The following GPC5 variants were observed in gnomAD, a reference collection of about 807,000 sequenced individuals.
GPC5 encodes glypican-5.
Under a neutral mutation model 53.9 loss-of-function variants are expected in GPC5, and 47 were observed. That is an observed-to-expected ratio of 0.87 (90% CI 0.69 to 1.11). The LOEUF is 1.11. GPC5 is among the 50% of genes most tolerant of loss of function. The pLI, the probability that GPC5 is intolerant of heterozygous loss-of-function variation, is 0.00. For missense variants in GPC5, 748 were observed against 713.1 expected (o/e 1.05, Z -0.56); for synonymous variants, 286 against 263.3 (o/e 1.09, Z -0.84).
At chr13:92,477,181 A>T (rs1879183122) in intron 7 of GPC5, among the ~76,000 whole-genome samples, 1 of 152,194 alleles carries the variant, frequency 6.6e-6, no homozygotes, top group South Asian at 2.1e-4. Context: ...CAAAAAAGTC[A>T]TTTCAGGAAA....
At chr13:92,381,794 T>TATATATAC (rs2043741249) in intron 7 of GPC5, among the ~76,000 whole-genome samples, 1 of 140,028 alleles carries the variant, frequency 7.1e-6, no homozygotes. Flanking sequence ...CTGTGATATA[T>TATATATAC]ATAGATACAT....
rs150688712 is a variant in GPC5 at position 91,698,881 on chromosome 13, A to G, written c.1020+5000A>G. 1.7e-3 allele frequency among the ~76,000 whole-genome samples: 252 copies of G among 152,268 alleles called. 1 individual carries two copies. Among genetic ancestry groups the G allele is most frequent in the African/African-American group, 5.5e-3 (227 of 41,546 alleles). The stretch of plus-strand genomic sequence containing the variant: ...GTGGTCATGACACTTTCACAATAAT[A>G]AGAAGGCTAATATGCCCTTTCCCTA... On this transcript the variant is annotated intron_variant, in intron 3 of 7. Transcript: ENST00000377067.
chr13:92,649,191 A>T (rs1885878099), intron 7 of GPC5, among the ~76,000 whole-genome samples: 1 of 152,174 alleles, frequency 6.6e-6, no homozygotes, highest in Non-Finnish European at 1.5e-5. Flanking sequence ...TGCTGACATT[A>T]GGATACATGT....
intron 7 of GPC5, among the ~76,000 whole-genome samples, chr13:92,431,681 G>C (rs1877093418): frequency 6.6e-6 from 1 of 152,136 alleles, no homozygotes; most frequent in African/African-American, 2.4e-5. Context: ...AGGTTTAGCA[G>C]AGGAATAACA....
intron 7 of GPC5, among the ~76,000 whole-genome samples, chr13:92,588,902 A>G (rs1248201444): frequency 6.6e-6 from 1 of 152,164 alleles, no homozygotes; most frequent in African/African-American, 2.4e-5. Flanking sequence ...TGTAGAAGTC[A>G]TTTTATGTAG....
intron 6 of GPC5, among the ~76,000 whole-genome samples, chr13:92,140,809 C>T (rs1456276846): frequency 6.6e-6 from 1 of 152,134 alleles, no homozygotes; most frequent in African/African-American, 2.4e-5. Context: ...TGGAGATGAG[C>T]AGTTTTATTT....
At chr13:92,368,587 A>T (rs537680748) in intron 7 of GPC5, among the ~76,000 whole-genome samples, 2 of 147,422 alleles carry the variant, frequency 1.4e-5, no homozygotes, top group Non-Finnish European at 1.5e-5. Context: ...CAGTGAGCCA[A>T]GATCGCACCA....
intron 7 of GPC5, among the ~76,000 whole-genome samples, chr13:92,549,543 T>C (rs1045081344): frequency 7.9e-5 from 12 of 152,056 alleles, no homozygotes; most frequent in Non-Finnish European, 7.4e-5. Context: ...TATATTTCAC[T>C]ATGTCTCATG....
At chr13:92,463,490 A>T (rs1446213679) in intron 7 of GPC5, among the ~76,000 whole-genome samples, 1 of 152,192 alleles carries the variant, frequency 6.6e-6, no homozygotes, top group East Asian at 1.9e-4. Context: ...CCTACCCCTG[A>T]TCACTCATTA....
intron 7 of GPC5, among the ~76,000 whole-genome samples, chr13:92,521,849 A>G (rs918599729): frequency 2.0e-5 from 3 of 152,166 alleles, no homozygotes; most frequent in East Asian, 1.9e-4. Context: ...CAACTTACAG[A>G]ATGGGAGAAA....
intron 7 of GPC5, among the ~76,000 whole-genome samples, chr13:92,313,120 C>G (rs964886080): frequency 2.6e-5 from 4 of 152,138 alleles, no homozygotes; most frequent in Non-Finnish European, 5.9e-5. Context: ...ACCTCTCTCT[C>G]TCCATGAAAT....
chr13:92,583,070 T>TCGAG (rs1405778229), intron 7 of GPC5, among the ~76,000 whole-genome samples: 1 of 152,158 alleles, frequency 6.6e-6, no homozygotes, highest in Non-Finnish European at 1.5e-5. Context: ...TTGTTCCTGA[T>TCGAG]CACAGAGGAA....
chr13:91,412,408 A>T (rs550773518), intron 1 of GPC5, among the ~76,000 whole-genome samples: 1 of 152,232 alleles, frequency 6.6e-6, no homozygotes, highest in Non-Finnish European at 1.5e-5. Context: ...ATTTGAATAC[A>T]TAACTTCTGT....
chr13:92,485,067 A>C, intron 7 of GPC5, among the ~76,000 whole-genome samples: 1 of 152,118 alleles, frequency 6.6e-6, no homozygotes, highest in African/African-American at 2.4e-5. Flanking sequence ...AGATGCAGCC[A>C]AGGGGATGTT....
chr13:92,001,632 C>A (rs543382124), intron 6 of GPC5, among the ~76,000 whole-genome samples: 2 of 151,948 alleles, frequency 1.3e-5, no homozygotes, highest in Non-Finnish European at 2.9e-5. Context: ...AAAGCAAAAG[C>A]ATTTAATACT....
At chr13:92,579,274 CCT>C (rs1161169576) in intron 7 of GPC5, among the ~76,000 whole-genome samples, 86 of 15,998 alleles carry the variant, frequency 5.4e-3, no homozygotes, top group Middle Eastern at 0.036. Flanking sequence ...TCCCTCCCTC[CCT>C]CTCTCTCTCT....
rs930540803 is a variant in GPC5 at position 92,741,164 on chromosome 13, G to T, written c.1562-125118G>T. ...GTCAGTATTGAAAGGCCTTTAAGGG[G>T]TGATTGTATCATGAGGACTTTGCCA... On this transcript the variant is annotated intron_variant, in intron 7 of 7. Coordinates refer to ENST00000377067, the MANE Select transcript of GPC5 (RefSeq NM_004466.6). 5.3e-5 allele frequency among the ~76,000 whole-genome samples: 8 copies of T among 150,914 alleles called. No individual in the cohort carries two copies. The East Asian group carries it at 8.0e-4, about 15-fold the overall frequency.
intron 6 of GPC5, among the ~76,000 whole-genome samples, chr13:91,922,603 A>G (rs1272400828): frequency 6.6e-6 from 1 of 152,172 alleles, no homozygotes; most frequent in Non-Finnish European, 1.5e-5. Flanking sequence ...GTTTCTCTCA[A>G]CATAGAACAC....
intron 2 of GPC5, among the ~76,000 whole-genome samples, chr13:91,557,389 G>A (rs778106948): frequency 2.0e-5 from 3 of 151,954 alleles, no homozygotes; most frequent in South Asian, 2.1e-4. Context: ...CCCTTTCATT[G>A]TTTACCTTGA....
Sources: gnomAD v4.1 joint callset for allele counts (sites outside exome capture counted in the v4.1 genomes callset) on GRCh38, gnomAD v4.1.1 for gene constraint, MANE v1.5 for transcripts, NCBI Gene and HGNC (gene_info 2026-07-23, HGNC 2026-07-21) for gene names.